DCC: variants seen among roughly 807,000 people sequenced by gnomAD.
DCC encodes the protein netrin receptor DCC.
A neutral mutation model predicts 172.5 loss-of-function variants in DCC; 58 were observed. The ratio of observed to expected loss-of-function variants is 0.34; its 90% confidence interval spans 0.27 to 0.42. The LOEUF is 0.42. Ranked by LOEUF, DCC falls within the 10% of genes least tolerant of loss-of-function variation. The pLI is 1.00. For synonymous variants in DCC, 709 were observed against 644.5 expected, an observed-to-expected ratio of 1.10 and a Z score of -1.52; for missense variants, 1,740 against 1,791.0, an observed-to-expected ratio of 0.97 and a Z score of 0.51.
intron 1 of DCC, among the ~76,000 whole-genome samples, chr18:52,542,641 G>A (rs2603718): frequency 6.6e-6 from 1 of 152,086 alleles, no homozygotes; most frequent in Non-Finnish European, 1.5e-5. Flanking sequence ...TTTGAAACCA[G>A]CCTGGCCAAC....
chr18:53,008,439 C>T (rs2041677818), intron 5 of DCC, among the ~76,000 whole-genome samples: 1 of 151,972 alleles, frequency 6.6e-6, no homozygotes, highest in South Asian at 2.1e-4. Context: ...TAGAATTTAT[C>T]TGTTTTCAAA....
chr18:53,223,213 A>C (rs747101458), intron 12 of DCC, among the ~76,000 whole-genome samples: 1 of 152,168 alleles, frequency 6.6e-6, no homozygotes, highest in African/African-American at 2.4e-5. Flanking sequence ...TTTCATATAC[A>C]TAAAATACAT....
rs555883999 is a variant in DCC, at chr18:53,391,619, ATTTG to A, written c.2456-28_2456-25del. On this transcript the variant is annotated intron_variant, in intron 16 of 28. Coordinates refer to ENST00000442544, the MANE Select transcript of DCC (RefSeq NM_005215.4). ...TTTTAACGCTTTTATTTACGTATTT[ATTTG>A]TTTGTTTCATTTGGTGGGTTTTTAA... is the stretch of plus-strand genomic sequence containing the variant. The A allele has an allele frequency of 5.2e-3, 6,921 of 1,322,446 alleles. 22 individuals carry two copies. The highest frequency in any genetic ancestry group is 6.6e-3 in the Non-Finnish European group (6,022 of 914,486). 81.9% of individuals were successfully genotyped at this position (1,322,446 alleles called of 1,614,324 possible).
intron 1 of DCC, among the ~76,000 whole-genome samples, chr18:52,585,031 G>A (rs990029497): frequency 5.9e-5 from 9 of 152,118 alleles, no homozygotes; most frequent in East Asian, 3.9e-4. Context: ...AGAATGTCTC[G>A]AGTAGCTAAC....
chr18:52,426,765 T>C (rs535856175), intron 1 of DCC, among the ~76,000 whole-genome samples: 1 of 148,918 alleles, frequency 6.7e-6, no homozygotes, highest in Admixed American at 6.7e-5. Context: ...TTATATTACT[T>C]TTTCAAATGG....
At chr18:53,442,761 T>A (rs1198950973) in intron 22 of DCC, among the ~76,000 whole-genome samples, 1 of 152,246 alleles carries the variant, frequency 6.6e-6, no homozygotes, top group Non-Finnish European at 1.5e-5. Context: ...TTCAAAGTGC[T>A]ATTCTAGTGA....
At chr18:53,153,192 C>T (rs1477707584) in intron 7 of DCC, among the ~76,000 whole-genome samples, 2 of 152,144 alleles carry the variant, frequency 1.3e-5, no homozygotes, top group Non-Finnish European at 2.9e-5. Context: ...AAAAAGCTTT[C>T]ACCAAGTTAT....
intron 7 of DCC, among the ~76,000 whole-genome samples, chr18:53,108,660 GA>G (rs1488050580): frequency 1.3e-5 from 2 of 151,698 alleles, no homozygotes; most frequent in Admixed American, 1.3e-4. Context: ...AGTAGTTGTT[GA>G]ATTATATATG....
intron 21 of DCC, among the ~76,000 whole-genome samples, chr18:53,422,912 A>G (rs1448474743): frequency 1.3e-5 from 2 of 152,128 alleles, no homozygotes; most frequent in African/African-American, 4.8e-5. Flanking sequence ...TGAAAAAGCT[A>G]TTCTCACCTG....
At chr18:52,714,352 T>A (rs1163928120) in intron 1 of DCC, among the ~76,000 whole-genome samples, 2 of 152,192 alleles carry the variant, frequency 1.3e-5, no homozygotes, top group African/African-American at 2.4e-5. Flanking sequence ...ATTGTGTTAA[T>A]GATCATATAA....
Position 53,428,069 on chromosome 18 carries a change from CAT to C in DCC, c.3164-7071_3164-7070del, listed in dbSNP as rs1393998274. Among the ~76,000 whole-genome samples the C allele has an allele frequency of 1.1e-4, 3 of 27,134 alleles. 1 individual carries two copies. The highest frequency in any genetic ancestry group is 2.0e-4 in the Non-Finnish European group (2 of 9,984). The allele number at this position is 27,134 out of a possible 152,430, so 17.8% of individuals were successfully genotyped here. A position where few individuals can be genotyped will look rare whatever the true frequency, so the allele number is the denominator to read the frequency against. On this transcript the variant is annotated intron_variant, in intron 21 of 28. Coordinates refer to ENST00000442544, the MANE Select transcript of DCC (RefSeq NM_005215.4). ...TATATTATAATAATGTGTCATATATCATATAATATATTATAATAATATATAAT... is the reference window on the plus strand; with the variant it reads ...TATATTATAATAATGTGTCATATATCATAATATATTATAATAATATATAAT...
At chr18:52,734,954 C>T (rs149088745) in intron 1 of DCC, among the ~76,000 whole-genome samples, 1 of 152,156 alleles carries the variant, frequency 6.6e-6, no homozygotes, top group East Asian at 1.9e-4. Context: ...AGCCCTGATA[C>T]TTGTAAATTC....
In DCC at chr18:53,533,250, A is replaced by C. The variant is rs949135403; in HGVS notation, c.*2597A>C. ...TCTCTTGACAAGAAGAAACCTGTGA[A>C]TACTGCAAACTAGCCTCTGACTTCC... On this transcript the variant is annotated 3_prime_UTR_variant, in exon 29 of 29. Transcript: ENST00000442544. The C allele has an allele frequency of 6.6e-6, 1 of 152,174 alleles. No individual in the cohort carries two copies. Among genetic ancestry groups the C allele is most frequent in the Non-Finnish European group, 1.5e-5 (1 of 68,032 alleles). The allele number at this position is 152,174 out of a possible 1,614,324, so 9.4% of individuals were successfully genotyped here.
At position 52,346,357 on chromosome 18, in the gene DCC, C is replaced by G. The variant is rs191300239; in HGVS notation, c.91+5479C>G. On this transcript the variant is annotated intron_variant, in intron 1 of 28. Coordinates refer to ENST00000442544, the MANE Select transcript of DCC (RefSeq NM_005215.4). ...TCACTCTAGAATGTTAATTCCTTAT[C>G]TTATATTTCTCTGGTTTAACTCCAA... is the stretch of plus-strand genomic sequence containing the variant. Among the ~76,000 whole-genome samples the G allele has an allele frequency of 8.1e-4, 124 of 152,296 alleles. 1 individual carries two copies. The highest frequency in any genetic ancestry group is 2.8e-3 in the African/African-American group (116 of 41,568).
chr18:53,448,893 T>G (rs2045371020), intron 22 of DCC, among the ~76,000 whole-genome samples: 1 of 152,158 alleles, frequency 6.6e-6, no homozygotes, highest in Non-Finnish European at 1.5e-5. Context: ...ACACCATAAG[T>G]CCCAAATGCT....
intron 1 of DCC, among the ~76,000 whole-genome samples, chr18:52,687,225 A>T (rs1435241254): frequency 1.3e-5 from 2 of 152,026 alleles, no homozygotes; most frequent in Non-Finnish European, 2.9e-5. Flanking sequence ...CTCTTTTGGA[A>T]CATTAGCTAA....
At chr18:53,151,750 T>A (rs2054644843) in intron 7 of DCC, among the ~76,000 whole-genome samples, 1 of 152,166 alleles carries the variant, frequency 6.6e-6, no homozygotes, top group Non-Finnish European at 1.5e-5. Flanking sequence ...TCTACATTTC[T>A]TACTTTTTCT....
chr18:52,587,925 G>A (rs1269940155), intron 1 of DCC, among the ~76,000 whole-genome samples: 4 of 152,152 alleles, frequency 2.6e-5, no homozygotes, highest in African/African-American at 7.2e-5. Context: ...ACTTCCTTAT[G>A]TACCTTACTT....
intron 13 of DCC, among the ~76,000 whole-genome samples, chr18:53,318,110 G>A (rs772813234): frequency 6.6e-6 from 1 of 152,084 alleles, no homozygotes; most frequent in Non-Finnish European, 1.5e-5. Flanking sequence ...TTTCTCCTGT[G>A]GGTATTTAGT....
Sources: allele counts gnomAD v4.1 joint callset (sites outside exome capture counted in the v4.1 genomes callset), GRCh38; gene constraint gnomAD v4.1.1; transcripts MANE v1.5; gene names NCBI Gene and HGNC (gene_info 2026-07-23, HGNC 2026-07-21).